PTPRD: variants seen among roughly 807,000 people sequenced by gnomAD.
The protein encoded by PTPRD is receptor-type tyrosine-protein phosphatase delta.
In PTPRD, 34 loss-of-function variants were observed where a neutral mutation model predicts 214.5. The observed-to-expected ratio is 0.16, with a 90% CI of 0.12 to 0.21. The LOEUF (loss-of-function observed/expected upper bound fraction) is 0.21. Among genes scored for constraint, PTPRD ranks in the 10% least tolerant of loss-of-function variants. The probability of loss-of-function intolerance (pLI) is 1.00; values close to 1 mark genes in which losing one functional copy is unlikely to be tolerated. For missense variants in PTPRD, 2,545 were observed against 2,398.7 expected (o/e 1.06, Z -1.27); for synonymous variants, 1,128 against 845.7 (o/e 1.33, Z -5.79).
chr9:9,757,067 G>A (rs1042725450), intron 6 of PTPRD, among the ~76,000 whole-genome samples: 4 of 152,038 alleles, frequency 2.6e-5, no homozygotes, highest in South Asian at 4.2e-4. Flanking sequence ...TATCTTAGAT[G>A]GTCTACTTAG....
At position 8,489,758 on chromosome 9, in the gene PTPRD, G is replaced by A. The variant is rs73426364; in HGVS notation, c.2467+3104C>T. ...GGAATGAGGAGAGTTCTACATCATTGAATACATAGTTAAAAAGAATTCTCC... is the reference window on the plus strand; with the variant it reads ...GGAATGAGGAGAGTTCTACATCATTAAATACATAGTTAAAAAGAATTCTCC... On this transcript the variant is annotated intron_variant, in intron 27 of 45. Transcript: ENST00000381196. 1.9e-3 allele frequency among the ~76,000 whole-genome samples: 288 copies of A among 152,298 alleles called. 1 individual carries two copies. Among genetic ancestry groups the A allele is most frequent in the African/African-American group, 6.7e-3 (279 of 41,566 alleles).
At chr9:9,658,426 T>C (rs547931509) in intron 7 of PTPRD, among the ~76,000 whole-genome samples, 3 of 152,190 alleles carry the variant, frequency 2.0e-5, no homozygotes, top group African/African-American at 7.2e-5. Context: ...CAAACTTGAC[T>C]AGAAATTTCC....
At chr9:9,654,462 C>T (rs78891301) in intron 7 of PTPRD, among the ~76,000 whole-genome samples, 1 of 151,924 alleles carries the variant, frequency 6.6e-6, no homozygotes, top group Non-Finnish European at 1.5e-5. Flanking sequence ...ACACACATTA[C>T]CCAGAGCACA....
chr9:9,117,064 T>C (rs1313024924), intron 10 of PTPRD, among the ~76,000 whole-genome samples: 1 of 152,044 alleles, frequency 6.6e-6, no homozygotes, highest in Non-Finnish European at 1.5e-5. Context: ...CCCAAATATA[T>C]TAAAGGAAGG....
chr9:9,333,610 G>A (rs1012809057), intron 9 of PTPRD, among the ~76,000 whole-genome samples: 1 of 150,320 alleles, frequency 6.7e-6, no homozygotes, highest in Non-Finnish European at 1.5e-5. Flanking sequence ...GCACTGGTCT[G>A]GAAATGTAAA....
chr9:10,418,133 A>T (rs1449432352), intron 2 of PTPRD, among the ~76,000 whole-genome samples: 11 of 151,836 alleles, frequency 7.2e-5, no homozygotes, highest in African/African-American at 2.7e-4. Context: ...TTGTTTTAAA[A>T]GGCAGTGAAA....
intron 6 of PTPRD, among the ~76,000 whole-genome samples, chr9:9,751,843 A>T (rs2098523359): frequency 6.6e-6 from 1 of 152,074 alleles, no homozygotes. Flanking sequence ...GGCTCAGAAA[A>T]CTGACACACT....
At chr9:8,843,622 G>A (rs1055857658) in intron 11 of PTPRD, among the ~76,000 whole-genome samples, 5 of 152,144 alleles carry the variant, frequency 3.3e-5, no homozygotes, top group African/African-American at 4.8e-5. Flanking sequence ...AAGTAAAAAG[G>A]ACAATGGGTT....
At chr9:8,865,936 T>G (rs973305408) in intron 11 of PTPRD, among the ~76,000 whole-genome samples, 1 of 152,140 alleles carries the variant, frequency 6.6e-6, no homozygotes, top group Admixed American at 6.6e-5. Context: ...ATTATAAAGT[T>G]TCATGCTTTC....
At chr9:10,246,520 G>T (rs1407350) in intron 3 of PTPRD, among the ~76,000 whole-genome samples, 83,699 of 151,980 alleles carry the variant, frequency 0.55, 24,717 homozygotes, top group East Asian at 0.73. Context: ...CTGGGGGTGC[G>T]GTGTGAGCCA....
intron 10 of PTPRD, among the ~76,000 whole-genome samples, chr9:9,104,596 G>C (rs1569542913): frequency 6.6e-6 from 1 of 152,194 alleles, no homozygotes; most frequent in African/African-American, 2.4e-5. Flanking sequence ...TAAAACAAGT[G>C]CTGTAAGAAC....
chr9:9,290,218 A>G (rs539349640), intron 9 of PTPRD, among the ~76,000 whole-genome samples: 63 of 151,886 alleles, frequency 4.1e-4, no homozygotes, highest in African/African-American at 1.4e-3. Context: ...AGTTATGTTG[A>G]ACAGCTTTCC....
At chr9:8,452,653 T>G (rs185186422) in intron 33 of PTPRD, among the ~76,000 whole-genome samples, 1 of 152,340 alleles carries the variant, frequency 6.6e-6, no homozygotes, top group African/African-American at 2.4e-5. Flanking sequence ...CAGTGAGAAC[T>G]ATCTACTATG....
chr9:8,353,388 GA>G (rs2076029965), intron 39 of PTPRD, among the ~76,000 whole-genome samples: 2 of 150,848 alleles, frequency 1.3e-5, no homozygotes, highest in African/African-American at 4.8e-5. Flanking sequence ...TCTGAATTAT[GA>G]ATCAGTATGC....
At chr9:9,482,504 CCA>C (rs2095459505) in intron 8 of PTPRD, among the ~76,000 whole-genome samples, 1 of 152,058 alleles carries the variant, frequency 6.6e-6, no homozygotes, top group African/African-American at 2.4e-5. Flanking sequence ...CTTTCATTGT[CCA>C]GATACTTGAG....
intron 12 of PTPRD, among the ~76,000 whole-genome samples, chr9:8,707,784 T>A (rs915382022): frequency 3.3e-5 from 5 of 152,206 alleles, no homozygotes; most frequent in Non-Finnish European, 5.9e-5. Flanking sequence ...TATTTTTCAA[T>A]AACCTTTTCC....
chr9:9,367,727 G>T (rs1596463957), intron 9 of PTPRD, among the ~76,000 whole-genome samples: 1 of 151,830 alleles, frequency 6.6e-6, no homozygotes, highest in South Asian at 2.1e-4. Context: ...TTTCCTGGGT[G>T]TGGAGAGGCT....
intron 4 of PTPRD, among the ~76,000 whole-genome samples, chr9:9,955,817 C>T (rs537388213): frequency 3.5e-4 from 54 of 152,248 alleles, no homozygotes; most frequent in East Asian, 3.1e-3. Flanking sequence ...CCACCACGCC[C>T]GGCCTATTTG....
At chr9:9,221,216 A>G (rs895611157) in intron 9 of PTPRD, among the ~76,000 whole-genome samples, 8 of 152,214 alleles carry the variant, frequency 5.3e-5, no homozygotes, top group African/African-American at 1.9e-4. Context: ...TTCATTGGCA[A>G]AGTGAGAAAA....
Sources: gnomAD v4.1 joint callset for allele counts (sites outside exome capture counted in the v4.1 genomes callset) on GRCh38, gnomAD v4.1.1 for gene constraint, MANE v1.5 for transcripts, NCBI Gene and HGNC (gene_info 2026-07-23, HGNC 2026-07-21) for gene names.